The following JADE1 variants were observed in gnomAD, a reference collection of about 807,000 sequenced individuals.
The protein encoded by JADE1 is jade family PHD finger 1, also known as protein Jade-1.
Under a neutral mutation model 81.8 loss-of-function variants are expected in JADE1, and 14 were observed. The ratio of observed to expected loss-of-function variants is 0.17; its 90% CI spans 0.11 to 0.27. The LOEUF (loss-of-function observed/expected upper bound fraction) is 0.27, where lower values mean the gene tolerates loss of function less well. Ranked by LOEUF, JADE1 falls within the 10% of genes least tolerant of loss-of-function variation. The pLI is 1.00. For synonymous variants in JADE1, 353 were observed against 391.9 expected, an observed-to-expected ratio of 0.90 and a Z score of 1.17; for missense variants, 690 against 1,047.9, an observed-to-expected ratio of 0.66 and a Z score of 4.71.
chr4:128,826,290 A>G (rs539237603), intron 1 of JADE1, among the ~76,000 whole-genome samples: 14 of 152,180 alleles, frequency 9.2e-5, no homozygotes, highest in African/African-American at 3.4e-4. Flanking sequence ...GTTGGATTCA[A>G]TCTCTGTCCC....
chr4:128,851,290 A>G (rs1730333702), intron 5 of JADE1, among the ~76,000 whole-genome samples: 1 of 152,226 alleles, frequency 6.6e-6, no homozygotes, highest in African/African-American at 2.4e-5. Flanking sequence ...AGGAGGGATA[A>G]ACCATTTAAA....
chr4:128,857,052 G>A (rs1730856561), intron 7 of JADE1, among the ~76,000 whole-genome samples: 2 of 152,140 alleles, frequency 1.3e-5, no homozygotes, highest in South Asian at 4.2e-4. Context: ...GCATTGTCCT[G>A]GTACATGACT....
chr4:128,863,475 T>G, intron 9 of JADE1: 1 of 985,488 alleles, frequency 1.0e-6, no homozygotes, highest in Non-Finnish European at 1.2e-6. Flanking sequence ...TGCATGGCCC[T>G]GTTAGAGATG....
chr4:128,849,261 GT>G, intron 5 of JADE1, 94 bp downstream of exon 5: 1 of 1,042,028 alleles, frequency 9.6e-7, no homozygotes, highest in African/African-American at 1.6e-5. Flanking sequence ...CTTATTGCCA[GT>G]TGCAGGCAGC....
chr4:128,818,826 A>C (rs975934315), intron 1 of JADE1, among the ~76,000 whole-genome samples: 1 of 152,130 alleles, frequency 6.6e-6, no homozygotes, highest in Admixed American at 6.5e-5. Context: ...CAAAAACCAT[A>C]CAGAAACAGG....
intron 10 of JADE1, among the ~76,000 whole-genome samples, chr4:128,870,932 TC>T (rs1732144821): frequency 8.5e-5 from 13 of 152,112 alleles, no homozygotes; most frequent in Admixed American, 8.5e-4. Context: ...GCTTTTTGGG[TC>T]CTCTCAGTCT....
intron 1 of JADE1, chr4:128,816,593 A>C (rs1325218108): frequency 6.6e-6 from 1 of 152,222 alleles, no homozygotes; most frequent in Non-Finnish European, 1.5e-5. Flanking sequence ...CTCAAAGCAC[A>C]AACATAAAGA....
chr4:128,826,895 G>A (rs1393118209), intron 1 of JADE1, among the ~76,000 whole-genome samples: 1 of 152,114 alleles, frequency 6.6e-6, no homozygotes, highest in East Asian at 1.9e-4. Context: ...ACTACCTTGG[G>A]CTTCTCTTTG....
At chr4:128,863,487 C>T in intron 9 of JADE1, 5 of 985,370 alleles carry the variant, frequency 5.1e-6, no homozygotes, top group Non-Finnish European at 4.8e-6. Flanking sequence ...TTAGAGATGG[C>T]GTAGAAGTGA....
rs374148673 is a variant in JADE1, at chr4:128,822,659, C to T, written c.-26-9074C>T. ...GCTTGAACCTGGGAGGCGGAGGTTGCGGTGAGCCGAGATCACACCATTGCA... is the reference window on the plus strand; with the variant it reads ...GCTTGAACCTGGGAGGCGGAGGTTGTGGTGAGCCGAGATCACACCATTGCA... On this transcript the variant is annotated intron_variant, in intron 1 of 10. Transcript: ENST00000226319. Among the ~76,000 whole-genome samples the T allele has an allele frequency of 1.1e-4, 16 of 151,644 alleles. 1 individual carries two copies. In the South Asian group the frequency reaches 2.3e-3, roughly 22 times the overall value.
At chr4:128,861,164 G>C (rs1270433743) in intron 8 of JADE1, among the ~76,000 whole-genome samples, 1 of 152,162 alleles carries the variant, frequency 6.6e-6, no homozygotes, top group Non-Finnish European at 1.5e-5. Flanking sequence ...GCTCAAATCT[G>C]TAAGAAAACC....
intron 2 of JADE1, among the ~76,000 whole-genome samples, chr4:128,837,069 A>T (rs1177263540): frequency 1.3e-5 from 2 of 152,298 alleles, no homozygotes; most frequent in African/African-American, 2.4e-5. Flanking sequence ...AGGACTTCTT[A>T]TTCTTGTCTG....
intron 5 of JADE1, among the ~76,000 whole-genome samples, chr4:128,851,003 T>C (rs952854033): frequency 3.9e-5 from 6 of 152,226 alleles, no homozygotes; most frequent in African/African-American, 1.4e-4. Context: ...CAATCTCGGC[T>C]GACTGCAACC....
At chr4:128,845,836 A>G (rs1390598366) in intron 3 of JADE1, among the ~76,000 whole-genome samples, 3 of 151,850 alleles carry the variant, frequency 2.0e-5, no homozygotes, top group Non-Finnish European at 2.9e-5. Context: ...AGGCAGGAGG[A>G]TAGCTTGAAC....
At chr4:128,844,158 A>C (rs1729676537) in intron 3 of JADE1, among the ~76,000 whole-genome samples, 1 of 152,008 alleles carries the variant, frequency 6.6e-6, no homozygotes, top group African/African-American at 2.4e-5. Context: ...TACCTTTCTG[A>C]TGTTCACACT....
intron 7 of JADE1, 60 bp from the exon 8 acceptor site, chr4:128,857,278 C>T: frequency 2.4e-6 from 3 of 1,238,418 alleles, no homozygotes; most frequent in South Asian, 1.2e-5. Context: ...TAGTTTCTGA[C>T]ATTCATGTTC....
At chr4:128,820,233 T>A (rs1032551445) in intron 1 of JADE1, among the ~76,000 whole-genome samples, 4 of 152,108 alleles carry the variant, frequency 2.6e-5, no homozygotes, top group African/African-American at 9.7e-5. Flanking sequence ...TGCTTCAGCC[T>A]CCCAAGTAGC....
At position 128,844,230 on chromosome 4, in the gene JADE1, C is replaced by T. The variant is rs146923545; in HGVS notation, c.138+1192C>T. Among the ~76,000 whole-genome samples, 239 of 152,272 alleles carry T rather than the reference C, an allele frequency of 1.6e-3. 3 individuals carry two copies. Among genetic ancestry groups the T allele is most frequent in the East Asian group, 0.013 (69 of 5,176 alleles). On this transcript the variant is annotated intron_variant, in intron 3 of 10. Coordinates refer to ENST00000226319, the MANE Select transcript of JADE1 (RefSeq NM_199320.4). ...ACTTAGCAGCTGTGACCTGGTGTGA[C>T]GAGGGCTGGTCCCCAGTGGTGTAGT... is the stretch of plus-strand genomic sequence containing the variant.
intron 4 of JADE1, among the ~76,000 whole-genome samples, chr4:128,848,370 G>A (rs1211288877): frequency 6.6e-6 from 1 of 152,118 alleles, no homozygotes; most frequent in African/African-American, 2.4e-5. Flanking sequence ...GTAGAGATGG[G>A]GTTTCACTGT....
Sources: allele counts gnomAD v4.1 joint callset (sites outside exome capture counted in the v4.1 genomes callset), GRCh38; gene constraint gnomAD v4.1.1; transcripts MANE v1.5; gene names NCBI Gene and HGNC (gene_info 2026-07-23, HGNC 2026-07-21).